Variants in LRBA observed in about 807,000 individuals in gnomAD.
The protein encoded by LRBA is LPS responsive beige-like anchor protein, also known as lipopolysaccharide-responsive and beige-like anchor protein.
LRBA carries 176 observed loss-of-function variants against 330.0 expected under a neutral mutation model. The ratio of observed to expected loss-of-function variants is 0.53; its 90% CI spans 0.47 to 0.60. The LOEUF is 0.60. LRBA is among the 20% of genes least tolerant of loss of function. The pLI is 0.00. For missense variants in LRBA, 3,259 were observed against 3,444.8 expected (o/e 0.95, Z 1.35); for synonymous variants, 1,230 against 1,193.0 (o/e 1.03, Z -0.64).
chr4:150,826,031 T>C (rs971862399), intron 30 of LRBA, among the ~76,000 whole-genome samples: 1 of 152,186 alleles, frequency 6.6e-6, no homozygotes, highest in Non-Finnish European at 1.5e-5. Flanking sequence ...AATATCTTTA[T>C]CTTGCACTGA....
chr4:150,632,227 T>A (rs1464926090), intron 37 of LRBA, among the ~76,000 whole-genome samples: 5 of 60,604 alleles, frequency 8.3e-5, no homozygotes, highest in African/African-American at 3.1e-4. Context: ...TGAGACTCTG[T>A]CTCAAGGAAA....
intron 34 of LRBA, among the ~76,000 whole-genome samples, chr4:150,769,222 G>A (rs1165615903): frequency 6.6e-6 from 1 of 152,104 alleles, no homozygotes. Context: ...TGGGATTACA[G>A]GAGTGAGCCA....
chr4:150,694,462 C>CCAAAAAAAAAAAAAAA (rs1784431737), intron 36 of LRBA, among the ~76,000 whole-genome samples: 1 of 71,010 alleles, frequency 1.4e-5, no homozygotes, highest in Non-Finnish European at 2.6e-5. Context: ...TGATCTTTAA[C>CCAAAAAAAAAAAAAAA]AAAAAAAAAA....
At chr4:150,339,164 A>G (rs1735150865) in intron 48 of LRBA, among the ~76,000 whole-genome samples, 1 of 152,200 alleles carries the variant, frequency 6.6e-6, no homozygotes. Flanking sequence ...ATGAAGAAAT[A>G]AACTCAAATG....
intron 44 of LRBA, among the ~76,000 whole-genome samples, chr4:150,452,433 C>T (rs960116887): frequency 6.6e-6 from 1 of 152,058 alleles, no homozygotes; most frequent in African/African-American, 2.4e-5. Flanking sequence ...ACCATCCTGG[C>T]CAGCATGGTG....
chr4:150,657,617 A>G (rs987877159), intron 37 of LRBA, among the ~76,000 whole-genome samples: 13 of 152,014 alleles, frequency 8.6e-5, no homozygotes, highest in African/African-American at 1.2e-4. Flanking sequence ...TTCATAGTAC[A>G]GTTTCCCCAA....
In LRBA at chr4:150,834,573, T is replaced by C. The variant is rs1336135760; in HGVS notation, c.4570-2597A>G. Among the ~76,000 whole-genome samples the C allele has an allele frequency of 2.6e-5, 4 of 152,184 alleles. No homozygotes were observed. In the East Asian group the frequency reaches 7.7e-4, roughly 29 times the overall value. ...TGGCCTTAAAACATTCAGTAAGCCATGTCGTAAGCAGATGCGCTCTTATCT... is the reference window on the plus strand; with the variant it reads ...TGGCCTTAAAACATTCAGTAAGCCACGTCGTAAGCAGATGCGCTCTTATCT... On this transcript the variant is annotated intron_variant, in intron 28 of 56. Transcript: ENST00000651943.
chr4:150,364,612 T>C (rs1363727316), intron 47 of LRBA, among the ~76,000 whole-genome samples: 1 of 152,232 alleles, frequency 6.6e-6, no homozygotes, highest in Non-Finnish European at 1.5e-5. Flanking sequence ...GTAACAAGTA[T>C]TGCTGAGTAT....
At chr4:150,291,143 T>TC (rs1353159544) in intron 53 of LRBA, among the ~76,000 whole-genome samples, 1 of 137,342 alleles carries the variant, frequency 7.3e-6, no homozygotes, top group Non-Finnish European at 1.5e-5. Context: ...AGTGTGATAT[T>TC]CCCCTTCCTG....
chr4:150,589,342 T>C (rs991411565), intron 39 of LRBA, among the ~76,000 whole-genome samples: 8 of 152,126 alleles, frequency 5.3e-5, no homozygotes, highest in African/African-American at 1.2e-4. Context: ...AGTAGGACAA[T>C]AGAAGGGATG....
At chr4:150,981,822 T>C (rs1740876627) in intron 2 of LRBA, among the ~76,000 whole-genome samples, 3 of 151,296 alleles carry the variant, frequency 2.0e-5, no homozygotes, top group African/African-American at 7.3e-5. Context: ...TAGCCGGGCG[T>C]GGTGGTGGCG....
intron 29 of LRBA, among the ~76,000 whole-genome samples, chr4:150,830,969 T>C (rs143798082): frequency 7.6e-4 from 115 of 152,132 alleles, no homozygotes; most frequent in Middle Eastern, 3.4e-3. Flanking sequence ...TTTACCATGT[T>C]GGCCAGGATG....
chr4:150,636,597 G>A (rs964022754), intron 37 of LRBA, among the ~76,000 whole-genome samples: 3 of 152,160 alleles, frequency 2.0e-5, no homozygotes, highest in African/African-American at 4.8e-5. Flanking sequence ...CTACCAGGAT[G>A]TCACTATTCC....
At chr4:150,562,917 A>C (rs1210733750) in intron 40 of LRBA, among the ~76,000 whole-genome samples, 1 of 151,958 alleles carries the variant, frequency 6.6e-6, no homozygotes, top group Non-Finnish European at 1.5e-5. Context: ...CTCTTATCTC[A>C]GCCTCTCAAG....
Position 150,743,261 on chromosome 4 carries a change from C to T in LRBA, c.5646-7895G>A, listed in dbSNP as rs566729346. The stretch of plus-strand genomic sequence containing the variant: ...CTGGGATTACAGGCGTGAGCCACCG[C>T]GCCTGGCCAGCAGTCTTAATAATGC... On this transcript the variant is annotated intron_variant, in intron 35 of 56. Transcript: ENST00000651943. Among the ~76,000 whole-genome samples the T allele has an allele frequency of 1.1e-3, 164 of 152,274 alleles. 1 individual carries two copies. The highest frequency in any genetic ancestry group is 3.0e-3 in the African/African-American group (125 of 41,546).
chr4:150,414,970 A>T (rs1747527785), intron 47 of LRBA, among the ~76,000 whole-genome samples: 1 of 152,220 alleles, frequency 6.6e-6, no homozygotes, highest in South Asian at 2.1e-4. Context: ...GCACAAATTC[A>T]ATGTGCTTTT....
intron 37 of LRBA, among the ~76,000 whole-genome samples, chr4:150,642,279 A>T (rs1054912149): frequency 6.6e-6 from 1 of 151,900 alleles, no homozygotes; most frequent in Non-Finnish European, 1.5e-5. Flanking sequence ...GTATTTTCTT[A>T]TGCACAAAAA....
intron 47 of LRBA, among the ~76,000 whole-genome samples, chr4:150,359,756 G>A (rs1738401473): frequency 6.6e-6 from 1 of 152,004 alleles, no homozygotes; most frequent in Non-Finnish European, 1.5e-5. Flanking sequence ...CGAAGCGGGT[G>A]GATCACGAGG....
intron 34 of LRBA, among the ~76,000 whole-genome samples, chr4:150,777,993 A>C (rs1302925877): frequency 6.6e-6 from 1 of 151,288 alleles, no homozygotes; most frequent in Non-Finnish European, 1.5e-5. Context: ...AAAAAAAAAA[A>C]AAAAAACTAG....
Sources: gnomAD v4.1 joint callset for allele counts (sites outside exome capture counted in the v4.1 genomes callset) on GRCh38, gnomAD v4.1.1 for gene constraint, MANE v1.5 for transcripts, NCBI Gene and HGNC (gene_info 2026-07-23, HGNC 2026-07-21) for gene names.